Variants in PRIM2 observed in about 807,000 individuals in gnomAD.
PRIM2 encodes the protein DNA primase large subunit.
PRIM2 carries 39 observed loss-of-function variants against 67.3 expected under a neutral mutation model. The observed-to-expected ratio is 0.58, with a 90% CI of 0.45 to 0.76. The LOEUF (loss-of-function observed/expected upper bound fraction) is 0.76, where lower values mean the gene tolerates loss of function less well. Among genes scored for constraint, PRIM2 ranks in the 30% least tolerant of loss-of-function variants. The probability of loss-of-function intolerance (pLI) is 0.00; values close to 1 mark genes in which losing one functional copy is unlikely to be tolerated. For synonymous variants in PRIM2, 143 were observed against 198.7 expected (o/e 0.72, Z 2.36); for missense variants, 398 against 598.7 (o/e 0.66, Z 3.50).
chr6:57,390,299 A>C (rs531665315), intron 7 of PRIM2: 1 of 152,900 alleles, frequency 6.5e-6, no homozygotes, highest in African/African-American at 2.4e-5. Flanking sequence ...GCTCAGCTGA[A>C]CTTGATTGTT....
chr6:57,494,129 T>C (rs1554346203), intron 7 of PRIM2, among the ~76,000 whole-genome samples: 1 of 152,196 alleles, frequency 6.6e-6, no homozygotes, highest in African/African-American at 2.4e-5. Flanking sequence ...TTACCCCAAC[T>C]CTTGATTTTA....
intron 7 of PRIM2, among the ~76,000 whole-genome samples, chr6:57,454,421 CT>C (rs1224452999): frequency 6.6e-6 from 1 of 151,800 alleles, no homozygotes; most frequent in African/African-American, 2.4e-5. Context: ...TGGTCCTGGA[CT>C]TTTTTTTGCT....
At chr6:57,486,838 A>G (rs1488845197) in intron 7 of PRIM2, among the ~76,000 whole-genome samples, 4 of 152,188 alleles carry the variant, frequency 2.6e-5, no homozygotes, top group African/African-American at 7.2e-5. Flanking sequence ...TTGAGTAGAC[A>G]CTCAATAAAT....
intron 5 of PRIM2, among the ~76,000 whole-genome samples, chr6:57,369,037 C>T (rs1178372279): frequency 6.6e-6 from 1 of 152,230 alleles, no homozygotes; most frequent in Non-Finnish European, 1.5e-5. Flanking sequence ...ACACACGTCA[C>T]TTCCACTCAC....
intron 10 of PRIM2, among the ~76,000 whole-genome samples, chr6:57,550,739 G>T (rs1202059776): frequency 6.6e-6 from 1 of 152,048 alleles, no homozygotes; most frequent in Non-Finnish European, 1.5e-5. Flanking sequence ...TCAAATTTTT[G>T]TTGCTAATAT....
chr6:57,530,817 T>C (rs1774873204), intron 8 of PRIM2, among the ~76,000 whole-genome samples: 2 of 152,142 alleles, frequency 1.3e-5, no homozygotes, highest in South Asian at 4.1e-4. Flanking sequence ...ATCCTACTGC[T>C]TCAGCCTCCT....
rs1446146884 is a variant in PRIM2 at position 57,640,689 on chromosome 6, T to C, written c.1300-5239T>C. On this transcript the variant is annotated intron_variant, in intron 13 of 13. Transcript: ENST00000615550. Reference sequence around the variant, plus strand: ...CTTCCAAGGGATGTGAAGGACCTCTTGAAGGAGAACTACAAACCACTGCTC... The same window carrying C: ...CTTCCAAGGGATGTGAAGGACCTCTCGAAGGAGAACTACAAACCACTGCTC... Among the ~76,000 whole-genome samples, 18 of 152,074 alleles carry C rather than the reference T, an allele frequency of 1.2e-4. 1 individual carries two copies. The highest frequency in any genetic ancestry group is 1.0e-4 in the Non-Finnish European group (7 of 68,024).
chr6:57,446,139 G>C (rs567272754), intron 7 of PRIM2, among the ~76,000 whole-genome samples: 1 of 152,298 alleles, frequency 6.6e-6, no homozygotes, highest in Admixed American at 6.5e-5. Context: ...GGAGTTTGCA[G>C]TTCTAGACAG....
intron 12 of PRIM2, among the ~76,000 whole-genome samples, chr6:57,607,832 G>A (rs1776590137): frequency 6.6e-6 from 1 of 152,066 alleles, no homozygotes; most frequent in Non-Finnish European, 1.5e-5. Flanking sequence ...TGTGGATTTA[G>A]GGCATTAGAT....
At chr6:57,353,153 A>G (rs1768911460) in intron 5 of PRIM2, among the ~76,000 whole-genome samples, 1 of 151,326 alleles carries the variant, frequency 6.6e-6, no homozygotes, top group South Asian at 2.1e-4. Context: ...AAAAAAAAAA[A>G]AAAAAAAGCA....
chr6:57,304,280 T>G, the PRIM2 span, among the ~76,000 whole-genome samples: 1 of 151,948 alleles, frequency 6.6e-6, no homozygotes, highest in Non-Finnish European at 1.5e-5. Flanking sequence ...AGAGAATCAA[T>G]TGGTTGCAGA....
intron 10 of PRIM2, among the ~76,000 whole-genome samples, chr6:57,577,646 C>T (rs1403436657): frequency 6.6e-6 from 1 of 152,074 alleles, no homozygotes; most frequent in African/African-American, 2.4e-5. Flanking sequence ...CCAGACTGGT[C>T]TCAAACTCCT....
chr6:57,270,422 G>A, the PRIM2 span, among the ~76,000 whole-genome samples: 1 of 151,304 alleles, frequency 6.6e-6, no homozygotes, highest in African/African-American at 2.4e-5. Context: ...TGATGATTTG[G>A]CTGTTTGTCT....
chr6:57,568,293 A>G (rs1309261129), intron 10 of PRIM2, among the ~76,000 whole-genome samples: 5 of 152,220 alleles, frequency 3.3e-5, no homozygotes, highest in African/African-American at 9.6e-5. Context: ...CCCAAATGCA[A>G]TGAATAACTT....
upstream of PRIM2, chr6:57,314,738 G>T (rs1419126899): frequency 6.6e-6 from 1 of 152,214 alleles, no homozygotes; most frequent in African/African-American, 2.4e-5. Flanking sequence ...AATCTTGGTT[G>T]CCAGGGCTGA....
At chr6:57,282,074 T>A in the PRIM2 span, among the ~76,000 whole-genome samples, 2 of 152,212 alleles carry the variant, frequency 1.3e-5, no homozygotes, top group African/African-American at 4.8e-5. Context: ...TCCTAGCCCC[T>A]CTGTGTGTTC....
intron 8 of PRIM2, among the ~76,000 whole-genome samples, chr6:57,527,357 T>TC (rs1223414862): frequency 6.6e-6 from 1 of 152,246 alleles, no homozygotes; most frequent in African/African-American, 2.4e-5. Flanking sequence ...ACTCAGTCAC[T>TC]CAGGCTAGAA....
chr6:57,557,445 G>T (rs1351844062), intron 10 of PRIM2, among the ~76,000 whole-genome samples: 3 of 152,136 alleles, frequency 2.0e-5, no homozygotes, highest in Admixed American at 2.0e-4. Flanking sequence ...CCATAAAAAA[G>T]AACAAGATCT....
chr6:57,320,410 A>G, intron 2 of PRIM2, 47 bp from the exon 3 acceptor site: 1 of 1,305,538 alleles, frequency 7.7e-7, no homozygotes, highest in Non-Finnish European at 1.1e-6. Flanking sequence ...TCTTGGATTT[A>G]GTTTTAAAAC....
Sources: allele counts gnomAD v4.1 joint callset (sites outside exome capture counted in the v4.1 genomes callset), GRCh38; gene constraint gnomAD v4.1.1; transcripts MANE v1.5; gene names NCBI Gene and HGNC (gene_info 2026-07-23, HGNC 2026-07-21).